Variants in RAD51B observed in about 807,000 individuals in gnomAD.
RAD51B encodes RAD51 paralog B.
A neutral mutation model predicts 42.2 loss-of-function variants in RAD51B; 38 were observed. The ratio of observed to expected loss-of-function variants is 0.90; its 90% CI spans 0.70 to 1.18. The LOEUF is 1.18. Ranked by LOEUF, RAD51B falls within the 50% of genes most tolerant of loss-of-function variation. The probability of loss-of-function intolerance (pLI) is 0.00; values close to 1 mark genes in which losing one functional copy is unlikely to be tolerated. For missense variants in RAD51B, 373 were observed against 400.7 expected, an observed-to-expected ratio of 0.93 and a Z score of 0.59; for synonymous variants, 154 against 145.2, an observed-to-expected ratio of 1.06 and a Z score of -0.43.
chr14:68,115,140 C>G (rs927507725), intron 7 of RAD51B, among the ~76,000 whole-genome samples: 8 of 137,306 alleles, frequency 5.8e-5, no homozygotes, highest in Non-Finnish European at 1.5e-5. Context: ...GACTTGGAAC[C>G]AACCCAAATG....
intron 10 of RAD51B, chr14:68,541,332 A>C (rs1594956697): frequency 1.0e-6 from 1 of 985,486 alleles, no homozygotes. Flanking sequence ...TAACAGGCTA[A>C]TAGCCTACCT....
intron 7 of RAD51B, among the ~76,000 whole-genome samples, chr14:68,268,818 A>T (rs765359498): frequency 6.6e-6 from 1 of 152,232 alleles, no homozygotes; most frequent in Non-Finnish European, 1.5e-5. Flanking sequence ...AGATGTAATA[A>T]GTACTTACTG....
In RAD51B at chr14:67,821,303, G is replaced by A. The variant is rs145906728; in HGVS notation, c.-3+1450G>A. Among the ~76,000 whole-genome samples the A allele has an allele frequency of 5.6e-4, 86 of 152,334 alleles. No individual in the cohort carries two copies. The South Asian group carries it at 5.8e-3, about 10-fold the overall frequency. On this transcript the variant is annotated intron_variant, in intron 1 of 10. Coordinates refer to ENST00000471583, the MANE Select transcript of RAD51B (RefSeq NM_133510.4). ...ACCTCAGCAGGGTGTGTATTTAAAT[G>A]CCTGTGGAAGGAGTAAATTAAGGAA...
intron 10 of RAD51B, among the ~76,000 whole-genome samples, chr14:68,633,747 C>A (rs561505296): frequency 6.6e-6 from 1 of 152,320 alleles, no homozygotes; most frequent in South Asian, 2.1e-4. Context: ...CTACCCCCAC[C>A]CACACACACC....
chr14:68,118,893 A>G (rs191575423), intron 7 of RAD51B, among the ~76,000 whole-genome samples: 4 of 152,248 alleles, frequency 2.6e-5, no homozygotes, highest in Admixed American at 2.0e-4. Context: ...CTTCAAGGGA[A>G]GATTCCTATT....
rs76767687 is a variant in RAD51B, at chr14:68,164,084, A to T, written c.757-127800A>T. 5.0e-3 allele frequency among the ~76,000 whole-genome samples: 763 copies of T among 152,252 alleles called. 7 individuals carry two copies. The highest frequency in any genetic ancestry group is 0.017 in the African/African-American group (720 of 41,540). Reference sequence around the variant, plus strand: ...TTACTGCTTTGTGATAGGGCTTGGTATTCCCAATTTTACAGAGCAGAGATG... The same window carrying T: ...TTACTGCTTTGTGATAGGGCTTGGTTTTCCCAATTTTACAGAGCAGAGATG... On this transcript the variant is annotated intron_variant, in intron 7 of 10. Coordinates refer to ENST00000471583, the MANE Select transcript of RAD51B (RefSeq NM_133510.4).
intron 7 of RAD51B, among the ~76,000 whole-genome samples, chr14:68,290,574 T>C (rs1255364263): frequency 6.6e-6 from 1 of 152,192 alleles, no homozygotes; most frequent in Non-Finnish European, 1.5e-5. Flanking sequence ...TTATTTTGTA[T>C]AAGTAGGATT....
chr14:67,999,814 A>G (rs1436733805), intron 7 of RAD51B, among the ~76,000 whole-genome samples: 1 of 152,168 alleles, frequency 6.6e-6, no homozygotes, highest in African/African-American at 2.4e-5. Flanking sequence ...AGGAAATGAT[A>G]TTTAAATTGT....
chr14:68,015,560 G>T (rs1057370961), intron 7 of RAD51B, among the ~76,000 whole-genome samples: 43 of 152,150 alleles, frequency 2.8e-4, no homozygotes, highest in African/African-American at 8.2e-4. Context: ...AAGAGGGCGC[G>T]TACAGAAGAA....
intron 7 of RAD51B, among the ~76,000 whole-genome samples, chr14:68,044,909 G>A (rs1281220592): frequency 6.6e-6 from 1 of 152,064 alleles, no homozygotes; most frequent in African/African-American, 2.4e-5. Flanking sequence ...AGGAAAGTGT[G>A]GCATCCCATG....
chr14:68,010,703 A>G (rs1001053535), intron 7 of RAD51B, among the ~76,000 whole-genome samples: 3 of 151,890 alleles, frequency 2.0e-5, no homozygotes, highest in Non-Finnish European at 4.4e-5. Context: ...ATCAGCTTAT[A>G]CTATGGACAC....
intron 8 of RAD51B, among the ~76,000 whole-genome samples, chr14:68,395,999 A>C (rs1421043683): frequency 1.3e-5 from 2 of 152,188 alleles, no homozygotes; most frequent in Non-Finnish European, 2.9e-5. Flanking sequence ...ATCCACCGTT[A>C]GGGTCTAGTT....
intron 10 of RAD51B, among the ~76,000 whole-genome samples, chr14:68,492,843 T>C (rs1343231811): frequency 2.0e-5 from 3 of 152,182 alleles, no homozygotes; most frequent in African/African-American, 7.2e-5. Flanking sequence ...AAATGCCTGC[T>C]TATTTCCCTA....
chr14:68,206,065 A>G (rs2079578405), intron 7 of RAD51B, among the ~76,000 whole-genome samples: 1 of 152,138 alleles, frequency 6.6e-6, no homozygotes, highest in African/African-American at 2.4e-5. Flanking sequence ...GTCTCCTTTA[A>G]TCTGGAACAT....
chr14:67,896,163 A>G (rs992587538), intron 7 of RAD51B, among the ~76,000 whole-genome samples: 3 of 152,196 alleles, frequency 2.0e-5, no homozygotes, highest in African/African-American at 7.2e-5. Context: ...TGTCCAATAT[A>G]TATTTGTAGA....
intron 9 of RAD51B, among the ~76,000 whole-genome samples, chr14:68,439,293 C>T (rs962613860): frequency 6.6e-6 from 1 of 152,004 alleles, no homozygotes; most frequent in Admixed American, 6.6e-5. Flanking sequence ...TTGGGCAGCT[C>T]CAGCCTCTGG....
intron 10 of RAD51B, among the ~76,000 whole-genome samples, chr14:68,648,704 CACACACACACAG>C (rs1892636254): frequency 6.8e-6 from 1 of 147,148 alleles, no homozygotes; most frequent in Non-Finnish European, 1.5e-5. Flanking sequence ...CACACACACA[CACACACACACAG>C]GGAAAAACAA....
At chr14:68,429,430 T>C (rs1433195480) in intron 9 of RAD51B, among the ~76,000 whole-genome samples, 1 of 152,216 alleles carries the variant, frequency 6.6e-6, no homozygotes, top group Non-Finnish European at 1.5e-5. Context: ...TTTCCTGACT[T>C]TTTAATGATC....
chr14:68,182,700 A>G (rs2079079019), intron 7 of RAD51B, among the ~76,000 whole-genome samples: 1 of 152,202 alleles, frequency 6.6e-6, no homozygotes, highest in Admixed American at 6.5e-5. Flanking sequence ...TGCAGAAACA[A>G]ATTCTGAGAT....
Sources: allele counts gnomAD v4.1 joint callset (sites outside exome capture counted in the v4.1 genomes callset), GRCh38; gene constraint gnomAD v4.1.1; transcripts MANE v1.5; gene names NCBI Gene and HGNC (gene_info 2026-07-23, HGNC 2026-07-21).